The following PRKCE variants were observed in gnomAD, a reference collection of about 807,000 sequenced individuals.
The protein encoded by PRKCE is protein kinase C epsilon.
A neutral mutation model predicts 85.4 loss-of-function variants in PRKCE; 16 were observed. The ratio of observed to expected loss-of-function variants is 0.19; its 90% CI spans 0.13 to 0.28. PRKCE has a LOEUF of 0.28. PRKCE is among the 10% of genes least tolerant of loss of function. The pLI is 1.00. For missense variants in PRKCE, 573 were observed against 975.2 expected, an observed-to-expected ratio of 0.59 and a Z score of 5.49; for synonymous variants, 388 against 371.5, an observed-to-expected ratio of 1.04 and a Z score of -0.51.
chr2:46,004,424 A>G lies in PRKCE; in HGVS notation c.967-118A>G, dbSNP rs962558561. Reference sequence around the variant, plus strand: ...GCTGCAAGAGGACAGAGATCTACTGAATTCCTGCTGCTCTGGGAACTCTCA... The same window carrying G: ...GCTGCAAGAGGACAGAGATCTACTGGATTCCTGCTGCTCTGGGAACTCTCA... On this transcript the variant is annotated intron_variant, in intron 7 of 14. Transcript: ENST00000306156. This position sits in a 1 kb window ranked among gnomAD's most constrained non-coding sequence, Gnocchi z 4.1. The G allele has an allele frequency of 2.3e-6, 2 of 853,326 alleles. No homozygotes were observed. Among genetic ancestry groups the G allele is most frequent in the Non-Finnish European group, 3.7e-6 (2 of 539,682 alleles). The allele number at this position is 853,326 out of a possible 1,614,324, so 52.9% of individuals were successfully genotyped here.
chr2:45,866,060 C>T (rs1055718348), intron 2 of PRKCE, among the ~76,000 whole-genome samples: 1 of 151,900 alleles, frequency 6.6e-6, no homozygotes, highest in Non-Finnish European at 1.5e-5. Flanking sequence ...GGTTGAGAGA[C>T]CCTCTCTCCT....
At chr2:46,064,908 G>A (rs1429672571) in intron 10 of PRKCE, among the ~76,000 whole-genome samples, 1 of 152,176 alleles carries the variant, frequency 6.6e-6, no homozygotes, top group African/African-American at 2.4e-5. Context: ...GAAAGGGGAG[G>A]CCCCATTGTT....
chr2:45,916,178 G>A (rs895127138), intron 2 of PRKCE, among the ~76,000 whole-genome samples: 2 of 139,058 alleles, frequency 1.4e-5, no homozygotes, highest in Admixed American at 1.4e-4. Context: ...TTTCTAAAAT[G>A]TAGTATCTTT....
At chr2:45,772,783 C>T (rs536151609) in intron 1 of PRKCE, among the ~76,000 whole-genome samples, 1 of 152,152 alleles carries the variant, frequency 6.6e-6, no homozygotes, top group South Asian at 2.1e-4. Flanking sequence ...GAGTGTATCT[C>T]GGGGAAGAGG....
chr2:45,683,570 C>A (rs571040623), intron 1 of PRKCE, among the ~76,000 whole-genome samples: 4 of 152,158 alleles, frequency 2.6e-5, no homozygotes, highest in Non-Finnish European at 4.4e-5. Context: ...AGTACCTTTG[C>A]TTCTAGTTGG....
intron 11 of PRKCE, among the ~76,000 whole-genome samples, chr2:46,100,624 C>T (rs1043670865): frequency 1.3e-5 from 2 of 152,214 alleles, no homozygotes; most frequent in African/African-American, 4.8e-5. Flanking sequence ...AAGCATTCAT[C>T]AGAAGGGGGT....
chr2:46,071,683 G>C (rs531170984), intron 10 of PRKCE, among the ~76,000 whole-genome samples: 3 of 152,316 alleles, frequency 2.0e-5, no homozygotes, highest in Admixed American at 2.0e-4. Context: ...GTTTCAGTTA[G>C]GTTCCCAGGC....
At chr2:45,750,363 A>C (rs1339229381) in intron 1 of PRKCE, among the ~76,000 whole-genome samples, 1 of 152,216 alleles carries the variant, frequency 6.6e-6, no homozygotes, top group Non-Finnish European at 1.5e-5. Context: ...TATTTTATAT[A>C]GATGGAATAA....
chr2:46,124,279 C>T (rs1465575617), intron 11 of PRKCE, among the ~76,000 whole-genome samples: 2 of 152,100 alleles, frequency 1.3e-5, no homozygotes, highest in South Asian at 2.1e-4. Context: ...GATCCAAGAT[C>T]GCACCACTGC....
intron 2 of PRKCE, among the ~76,000 whole-genome samples, chr2:45,974,464 A>T (rs763445848): frequency 6.6e-6 from 1 of 152,238 alleles, no homozygotes; most frequent in Non-Finnish European, 1.5e-5. Context: ...ATCCACAAGC[A>T]GACCTCCACC....
intron 1 of PRKCE, among the ~76,000 whole-genome samples, chr2:45,693,631 G>C (rs1677914681): frequency 1.3e-5 from 2 of 152,168 alleles, no homozygotes; most frequent in African/African-American, 4.8e-5. Context: ...TCTGACAGCT[G>C]ATGTTCTCTC....
chr2:45,966,344 CAT>C (rs1701729686), intron 2 of PRKCE, among the ~76,000 whole-genome samples: 1 of 152,274 alleles, frequency 6.6e-6, no homozygotes, highest in African/African-American at 2.4e-5. Flanking sequence ...CTCTGTCACA[CAT>C]GTGAGGTACT....
At chr2:46,175,740 T>C (rs1431576115) in intron 14 of PRKCE, among the ~76,000 whole-genome samples, 1 of 151,942 alleles carries the variant, frequency 6.6e-6, no homozygotes, top group Non-Finnish European at 1.5e-5. Context: ...ATTTTATAAA[T>C]ACCAATATAA....
intron 11 of PRKCE, among the ~76,000 whole-genome samples, chr2:46,118,957 T>C (rs1000583296): frequency 1.3e-5 from 2 of 152,178 alleles, no homozygotes; most frequent in African/African-American, 4.8e-5. Context: ...CTTAGGATGC[T>C]GGAGACTAAA....
At chr2:46,085,314 C>T (rs1456715331) in intron 10 of PRKCE, among the ~76,000 whole-genome samples, 2 of 152,182 alleles carry the variant, frequency 1.3e-5, no homozygotes, top group Admixed American at 6.5e-5. Context: ...AAGTGGCCCT[C>T]ACAGTGCATG....
intron 2 of PRKCE, among the ~76,000 whole-genome samples, chr2:45,958,003 C>G (rs1340549104): frequency 1.3e-5 from 2 of 150,966 alleles, no homozygotes; most frequent in African/African-American, 4.9e-5. Flanking sequence ...CAGAGCTGGC[C>G]TGCTGAATGA....
At position 45,893,716 on chromosome 2, in the gene PRKCE, A is replaced by C. The variant is rs572919661; in HGVS notation, c.412+50653A>C. 4.6e-5 allele frequency among the ~76,000 whole-genome samples: 7 copies of C among 151,920 alleles called. No homozygotes were observed. The South Asian group carries it at 1.5e-3, about 32-fold the overall frequency. On this transcript the variant is annotated intron_variant, in intron 2 of 14. Transcript: ENST00000306156. ...CCCAGTGCCCCGCTCTTCCCACCTC[A>C]TGGGCCACTCTTATTTGCCCACTCA...
intron 2 of PRKCE, among the ~76,000 whole-genome samples, chr2:45,848,918 T>C (rs1243928948): frequency 6.6e-6 from 1 of 152,080 alleles, no homozygotes; most frequent in Non-Finnish European, 1.5e-5. Flanking sequence ...AAGGAAAGGA[T>C]AGGCAGGCTG....
At chr2:46,161,447 T>C (rs951884380) in intron 14 of PRKCE, among the ~76,000 whole-genome samples, 4 of 152,178 alleles carry the variant, frequency 2.6e-5, no homozygotes, top group African/African-American at 7.2e-5. Flanking sequence ...CTGAGGGGAT[T>C]ATCAGTGCAG....
Sources: gnomAD v4.1 joint callset for allele counts (sites outside exome capture counted in the v4.1 genomes callset) on GRCh38, gnomAD v4.1.1 for gene constraint, Gnocchi (gnomAD v3.1) non-coding constraint, MANE v1.5 for transcripts, NCBI Gene and HGNC (gene_info 2026-07-23, HGNC 2026-07-21) for gene names.